METTL6: variants seen among roughly 807,000 people sequenced by gnomAD.
METTL6 encodes the protein tRNA N(3)-cytidine methyltransferase METTL6.
A neutral mutation model predicts 26.4 loss-of-function variants in METTL6; 22 were observed. That is an observed-to-expected ratio of 0.83 (90% confidence interval 0.59 to 1.19). METTL6 has a LOEUF of 1.19. METTL6 is among the 50% of genes most tolerant of loss of function. METTL6 has a pLI of 0.00. For missense variants in METTL6, 304 were observed against 324.8 expected, an observed-to-expected ratio of 0.94 and a Z score of 0.49; for synonymous variants, 109 against 116.2, an observed-to-expected ratio of 0.94 and a Z score of 0.40.
intron 2 of METTL6, among the ~76,000 whole-genome samples, chr3:15,425,874 C>G (rs1031804001): frequency 2.6e-5 from 4 of 152,236 alleles, no homozygotes; most frequent in Non-Finnish European, 4.4e-5. Flanking sequence ...AAACGCAAAG[C>G]ATTTTGATAG....
chr3:15,427,582 T>C, upstream of METTL6: 2 of 581,556 alleles, frequency 3.4e-6, no homozygotes, highest in Non-Finnish European at 6.1e-6. Flanking sequence ...TCCCACGGCC[T>C]TGCCTCCTCA....
At chr3:15,402,579 C>T (rs556774814) in intron 6 of METTL6, among the ~76,000 whole-genome samples, 7 of 151,802 alleles carry the variant, frequency 4.6e-5, no homozygotes, top group Admixed American at 4.6e-4. Flanking sequence ...ACTAAAAATA[C>T]AAAAATTAAG....
intron 6 of METTL6, among the ~76,000 whole-genome samples, chr3:15,393,356 G>A (rs1052687138): frequency 2.0e-5 from 3 of 152,162 alleles, no homozygotes; most frequent in Admixed American, 2.0e-4. Flanking sequence ...TGTATCCTGA[G>A]ACTTTGCTGA....
intron 3 of METTL6, among the ~76,000 whole-genome samples, chr3:15,422,603 G>A (rs951695673): frequency 5.9e-5 from 9 of 152,168 alleles, no homozygotes; most frequent in African/African-American, 2.2e-4. Flanking sequence ...TCCAGCCTGG[G>A]TGACAAAGCA....
chr3:15,408,103 T>G (rs9867110), downstream of METTL6, among the ~76,000 whole-genome samples: 3,512 of 152,312 alleles, frequency 0.023, 143 homozygotes, highest in African/African-American at 0.08. Flanking sequence ...TTTTGTATTT[T>G]TGTAAGTTGT....
intron 6 of METTL6, among the ~76,000 whole-genome samples, chr3:15,402,751 A>G (rs13070965): frequency 6.3e-4 from 94 of 148,840 alleles, no homozygotes; most frequent in Admixed American, 5.6e-3. Flanking sequence ...AAAAAAAAAG[A>G]AAAAGAAAAA....
chr3:15,395,995 G>A (rs1235052508), intron 6 of METTL6, among the ~76,000 whole-genome samples: 1 of 152,106 alleles, frequency 6.6e-6, no homozygotes, highest in African/African-American at 2.4e-5. Flanking sequence ...TTCTCGAGGA[G>A]TATCTTTGTG....
chr3:15,391,889 A>G (rs1223705523), intron 6 of METTL6, among the ~76,000 whole-genome samples: 1 of 152,126 alleles, frequency 6.6e-6, no homozygotes, highest in Non-Finnish European at 1.5e-5. Flanking sequence ...TTCTTAATCC[A>G]GTCTATCATT....
At chr3:15,406,629 T>TAGAGAGAGAGAGAGAG (rs1211289541), downstream of METTL6, among the ~76,000 whole-genome samples, 1 of 20,734 alleles carries the variant, frequency 4.8e-5, no homozygotes, top group Non-Finnish European at 8.0e-5. Context: ...TATATATATA[T>TAGAGAGAGAGAGAGAG]AGAGAGAGAG....
Position 15,411,433 on chromosome 3 carries a change from G to A in METTL6, c.678C>T (p.Phe226=), listed in dbSNP as rs769464313. The change falls in exon 6 of 6, where the codon TTC becomes TTT. Residue 226 remains phenylalanine, a synonymous_variant. Transcript: ENST00000383790. ...CTGTGTCCATAAAGAGCTGAGCCAG[G>A]AAGTCTGTAAGACAAGCATCAACAA... The part of the protein sequence containing the change: ...GTRSYFFTDD[F]LAQLFMDTGY... 4 of 1,613,232 alleles carry A rather than the reference G, an allele frequency of 2.5e-6. No homozygotes were observed. The South Asian group carries it at 4.4e-5, about 18-fold the overall frequency.
chr3:15,389,839 C>A (rs71627126), intron 6 of METTL6, among the ~76,000 whole-genome samples: 1 of 150,012 alleles, frequency 6.7e-6, no homozygotes, highest in Non-Finnish European at 1.5e-5. Flanking sequence ...TACGCCACCG[C>A]GCCCGGCCAA....
chr3:15,389,036 T>C (rs531982292), intron 6 of METTL6, among the ~76,000 whole-genome samples: 2 of 152,090 alleles, frequency 1.3e-5, no homozygotes, highest in Non-Finnish European at 2.9e-5. Flanking sequence ...ATTTTTTTTT[T>C]ATAGAGATGG....
chr3:15,388,197 G>A lies in METTL6; in HGVS notation c.*12-4010C>T, dbSNP rs150451129. Reference sequence around the variant, plus strand: ...GCAATCTCCACTCACTGCAACCTCCGCCTCCTGGGTTCAAGTGATTCTCCT... The same window carrying A: ...GCAATCTCCACTCACTGCAACCTCCACCTCCTGGGTTCAAGTGATTCTCCT... On this transcript the variant is annotated intron_variant, in intron 6 of 6. Transcript: ENST00000443029. Among the ~76,000 whole-genome samples, 1,495 of 152,150 alleles carry A rather than the reference G, an allele frequency of 9.8e-3. 16 individuals carry two copies. The highest frequency in any genetic ancestry group is 0.016 in the Non-Finnish European group (1,097 of 67,996).
chr3:15,419,752 T>C (rs1245992844), intron 3 of METTL6, among the ~76,000 whole-genome samples: 1 of 152,140 alleles, frequency 6.6e-6, no homozygotes, highest in East Asian at 1.9e-4. Context: ...CAGACAAATG[T>C]GTACAGACAT....
chr3:15,382,222 A>C (rs1230515515), exon 7 of METTL6: 2 of 152,046 alleles, frequency 1.3e-5, no homozygotes, highest in Admixed American at 6.6e-5. Context: ...GCCACTTTTC[A>C]TTAGTCCTAA....
intron 3 of METTL6, among the ~76,000 whole-genome samples, chr3:15,417,540 T>C (rs2125004872): frequency 6.6e-6 from 1 of 151,670 alleles, no homozygotes; most frequent in South Asian, 2.1e-4. Flanking sequence ...TCAAAATATA[T>C]TACAAAACGT....
In METTL6 at chr3:15,397,442, C is replaced by T. The variant is rs973756242; in HGVS notation, c.*12-13255G>A. ...GACCCCTTGTGCTTCCCCGGGGAGG[C>T]GATGCCTCACCCTGCTTCGGCTCGG... On this transcript the variant is annotated intron_variant, in intron 6 of 6. Coordinates refer to the METTL6 transcript ENST00000443029. Among the ~76,000 whole-genome samples the T allele has an allele frequency of 3.3e-5, 5 of 152,256 alleles. No individual in the cohort carries two copies. The South Asian group carries it at 6.2e-4, about 19-fold the overall frequency.
chr3:15,419,501 T>C (rs2061561594), intron 3 of METTL6, among the ~76,000 whole-genome samples: 1 of 152,056 alleles, frequency 6.6e-6, no homozygotes, highest in South Asian at 2.1e-4. Context: ...GCCTTCAACC[T>C]CTCTGGTAAT....
At chr3:15,414,439 T>A in intron 4 of METTL6, 1 of 786,442 alleles carries the variant, frequency 1.3e-6, no homozygotes, top group Non-Finnish European at 1.6e-6. Context: ...CACTGCAACC[T>A]CCGTCTCCCA....
Sources: allele counts gnomAD v4.1 joint callset (sites outside exome capture counted in the v4.1 genomes callset), GRCh38; gene constraint gnomAD v4.1.1; transcripts MANE v1.5; gene names NCBI Gene and HGNC (gene_info 2026-07-23, HGNC 2026-07-21).